The following TENM2 variants were observed in gnomAD, a reference collection of about 807,000 sequenced individuals.
TENM2 encodes teneurin transmembrane protein 2.
TENM2 carries 52 observed loss-of-function variants against 245.2 expected under a neutral mutation model. That is an observed-to-expected ratio of 0.21 (90% CI 0.17 to 0.27). The LOEUF is 0.27. Among genes scored for constraint, TENM2 ranks in the 10% least tolerant of loss-of-function variants. The pLI, the probability that TENM2 is intolerant of heterozygous loss-of-function variation, is 1.00. For missense variants in TENM2, 3,046 were observed against 3,666.8 expected, an observed-to-expected ratio of 0.83 and a Z score of 4.37; for synonymous variants, 1,363 against 1,438.9, an observed-to-expected ratio of 0.95 and a Z score of 1.19.
rs1581662730 is a variant in TENM2, at chr5:168,218,047, A to G, written c.4234-78A>G. The G allele has an allele frequency of 6.8e-7, 1 of 1,473,242 alleles. No individual in the cohort carries two copies. Among genetic ancestry groups the G allele is most frequent in the African/African-American group, 1.4e-5 (1 of 70,728 alleles). 91.3% of individuals were successfully genotyped at this position (1,473,242 alleles called of 1,614,324 possible). On this transcript the variant is annotated intron_variant, in intron 22 of 28. Transcript: ENST00000518659. The surrounding 1 kb of genome is among the most constrained non-coding windows in gnomAD (Gnocchi z 5.2). Reference sequence around the variant, plus strand: ...AAGCTGTCTTTTTTCCTAGATATATAAAACCAGTAAGTGCCGTACGGTTAA... The same window carrying G: ...AAGCTGTCTTTTTTCCTAGATATATGAAACCAGTAAGTGCCGTACGGTTAA...
chr5:168,132,149 C>T (rs992892103), intron 12 of TENM2, among the ~76,000 whole-genome samples: 7 of 151,702 alleles, frequency 4.6e-5, no homozygotes, highest in Non-Finnish European at 5.9e-5. Flanking sequence ...CCTATCTAAT[C>T]CCAGAACAAG....
Position 167,432,288 on chromosome 5 carries a change from A to G in TENM2, c.502+56815A>G, listed in dbSNP as rs1035473364. 5.3e-5 allele frequency among the ~76,000 whole-genome samples: 8 copies of G among 151,758 alleles called. No homozygotes were observed. The East Asian group carries it at 5.8e-4, about 11-fold the overall frequency. On this transcript the variant is annotated intron_variant, in intron 2 of 28. Coordinates refer to ENST00000518659, the Ensembl canonical transcript of TENM2. ...AGCATGAGGCAGCAAAAGATTGAAAAGCAGTGTTTTCTGATATTGCTCTAA... is the reference window on the plus strand; with the variant it reads ...AGCATGAGGCAGCAAAAGATTGAAAGGCAGTGTTTTCTGATATTGCTCTAA...
chr5:167,942,589 C>T (rs1779271380), intron 3 of TENM2, among the ~76,000 whole-genome samples: 1 of 152,092 alleles, frequency 6.6e-6, no homozygotes, highest in South Asian at 2.1e-4. Flanking sequence ...AAACTGAGGG[C>T]TGATAACACA....
chr5:167,345,047 G>A (rs1758374712), intron 1 of TENM2, among the ~76,000 whole-genome samples: 1 of 152,176 alleles, frequency 6.6e-6, no homozygotes, highest in Admixed American at 6.5e-5. Context: ...CTATTGCGTT[G>A]CTGATTAGAA....
intron 5 of TENM2, among the ~76,000 whole-genome samples, chr5:168,003,306 A>ACACACACACAC (rs1562038456): frequency 2.2e-5 from 2 of 90,544 alleles, no homozygotes; most frequent in East Asian, 1.7e-3. Context: ...TTTAAGAAAA[A>ACACACACACAC]ACACACACAC....
chr5:167,861,801 G>A (rs1273674975), intron 2 of TENM2, among the ~76,000 whole-genome samples: 2 of 152,348 alleles, frequency 1.3e-5, no homozygotes, highest in Admixed American at 1.3e-4. Flanking sequence ...GGGCTCAAGC[G>A]ACAGCAGTCA....
chr5:167,303,947 T>A (rs1275298930), intron 1 of TENM2, among the ~76,000 whole-genome samples: 1 of 152,142 alleles, frequency 6.6e-6, no homozygotes, highest in Non-Finnish European at 1.5e-5. Flanking sequence ...AATTGAGCAA[T>A]CTGGATTTAT....
chr5:167,965,453 A>G (rs1781319027), intron 4 of TENM2: 1 of 152,040 alleles, frequency 6.6e-6, no homozygotes, highest in African/African-American at 2.4e-5. Flanking sequence ...GCAGTGGTTC[A>G]TACCTATAAT....
At chr5:167,070,318 A>C in the TENM2 span, among the ~76,000 whole-genome samples, 3 of 102,014 alleles carry the variant, frequency 2.9e-5, no homozygotes, top group Admixed American at 2.7e-4. Flanking sequence ...TTTAGTAGAG[A>C]TGGGGTTTCA....
intron 1 of TENM2, among the ~76,000 whole-genome samples, chr5:167,357,428 A>C (rs549906178): frequency 4.0e-5 from 6 of 151,552 alleles, no homozygotes; most frequent in African/African-American, 1.5e-4. Flanking sequence ...GATTACAGGC[A>C]TGTGCCACCA....
intron 2 of TENM2, among the ~76,000 whole-genome samples, chr5:167,452,101 T>C (rs558929182): frequency 8.5e-5 from 13 of 152,220 alleles, no homozygotes; most frequent in African/African-American, 2.2e-4. Context: ...AGTGACTTAT[T>C]AAAAAAATAA....
the TENM2 span, among the ~76,000 whole-genome samples, chr5:166,986,440 G>T: frequency 2.0e-5 from 3 of 151,642 alleles, no homozygotes; most frequent in African/African-American, 4.9e-5. Context: ...ATTTATCATT[G>T]TAGAAATTTC....
the TENM2 span, among the ~76,000 whole-genome samples, chr5:167,169,146 A>C: frequency 6.6e-6 from 1 of 152,072 alleles, no homozygotes; most frequent in East Asian, 1.9e-4. Context: ...TTGCCTAGCT[A>C]TTTATTAAAC....
chr5:168,050,972 A>G (rs78085735), intron 6 of TENM2, among the ~76,000 whole-genome samples: 4,946 of 152,264 alleles, frequency 0.032, 249 homozygotes, highest in African/African-American at 0.11. Context: ...AAAGGAATGA[A>G]CTCATACATC....
At position 167,401,667 on chromosome 5, in the gene TENM2, G is replaced by A. The variant is rs770545112; in HGVS notation, c.502+26194G>A. Among the ~76,000 whole-genome samples, 6 of 152,174 alleles carry A rather than the reference G, an allele frequency of 3.9e-5. No individual in the cohort carries two copies. In the East Asian group the frequency reaches 5.8e-4, roughly 15 times the overall value. Reference sequence around the variant, plus strand: ...TTGTTGATGATAAATAGGCTTCAGCGATTCATTTAAATAATATTTTTAAAT... The same window carrying A: ...TTGTTGATGATAAATAGGCTTCAGCAATTCATTTAAATAATATTTTTAAAT... On this transcript the variant is annotated intron_variant, in intron 2 of 28. Transcript: ENST00000518659.
At chr5:167,584,302 C>T (rs1210532880) in intron 2 of TENM2, among the ~76,000 whole-genome samples, 1 of 152,184 alleles carries the variant, frequency 6.6e-6, no homozygotes, top group Non-Finnish European at 1.5e-5. Context: ...GATCTAAATA[C>T]TCTCTAGAGG....
chr5:167,350,705 G>T (rs1418626250), intron 1 of TENM2, among the ~76,000 whole-genome samples: 3 of 95,090 alleles, frequency 3.2e-5, no homozygotes, highest in African/African-American at 1.1e-4. Context: ...TACATATATG[G>T]ATATATATAT....
intron 3 of TENM2, among the ~76,000 whole-genome samples, chr5:167,880,750 A>T (rs983210714): frequency 6.6e-6 from 1 of 152,212 alleles, no homozygotes; most frequent in Non-Finnish European, 1.5e-5. Flanking sequence ...ACAATTCTAC[A>T]AATGTCCAAT....
chr5:167,893,606 GAAAC>G (rs1194595497), intron 3 of TENM2, among the ~76,000 whole-genome samples: 1 of 150,592 alleles, frequency 6.6e-6, no homozygotes, highest in African/African-American at 2.4e-5. Context: ...GTTGCCACAG[GAAAC>G]AAACAAAAAA....
Sources: gnomAD v4.1 joint callset for allele counts (sites outside exome capture counted in the v4.1 genomes callset) on GRCh38, gnomAD v4.1.1 for gene constraint, Gnocchi (gnomAD v3.1) non-coding constraint, MANE v1.5 for transcripts, NCBI Gene and HGNC (gene_info 2026-07-23, HGNC 2026-07-21) for gene names.